Variants in HSD17B4 observed in about 807,000 individuals in gnomAD.
HSD17B4 encodes the protein peroxisomal multifunctional enzyme type 2.
In HSD17B4, 70 loss-of-function variants were observed where a neutral mutation model predicts 101.0. That is an observed-to-expected ratio of 0.69 (90% CI 0.57 to 0.85). The LOEUF (loss-of-function observed/expected upper bound fraction) is 0.85, where lower values mean the gene tolerates loss of function less well. Among genes scored for constraint, HSD17B4 ranks in the 40% least tolerant of loss-of-function variants. The probability of loss-of-function intolerance (pLI) is 0.00; values close to 1 mark genes in which losing one functional copy is unlikely to be tolerated. For missense variants in HSD17B4, 984 were observed against 892.4 expected (o/e 1.10, Z -1.31); for synonymous variants, 347 against 297.1 (o/e 1.17, Z -1.73).
intron 8 of HSD17B4, among the ~76,000 whole-genome samples, chr5:119,479,912 G>A (rs1317586919): frequency 6.6e-6 from 1 of 152,080 alleles, no homozygotes; most frequent in Non-Finnish European, 1.5e-5. Flanking sequence ...GTAAGAAATT[G>A]CCAAACTATC....
At chr5:119,528,609 T>G (rs977276987) in intron 20 of HSD17B4, among the ~76,000 whole-genome samples, 2 of 152,138 alleles carry the variant, frequency 1.3e-5, no homozygotes, top group African/African-American at 4.8e-5. Context: ...TGAGTAAGTT[T>G]TGCTTTTTGA....
chr5:119,493,568 C>T lies in HSD17B4; in HGVS notation c.740-250C>T, dbSNP rs138582862. 1.6e-3 allele frequency: 677 copies of T among 435,236 alleles called. 4 individuals carry two copies. Among genetic ancestry groups the T allele is most frequent in the African/African-American group, 0.013 (640 of 49,572 alleles). 27.0% of individuals were successfully genotyped at this position (435,236 alleles called of 1,614,324 possible). On this transcript the variant is annotated intron_variant, in intron 10 of 23. Transcript: ENST00000510025. ...TTTCACATACAGCATAACATTCTAC[C>T]TTTAGTACTGTCTGGCATAGTCAGA...
At chr5:119,522,838 A>ATT (rs2126865497) in intron 17 of HSD17B4, among the ~76,000 whole-genome samples, 1 of 152,182 alleles carries the variant, frequency 6.6e-6, no homozygotes, top group East Asian at 1.9e-4. Flanking sequence ...CTAGTGTACT[A>ATT]TTAATTATTT....
intron 17 of HSD17B4, among the ~76,000 whole-genome samples, chr5:119,516,735 C>G (rs10062410): frequency 0.012 from 1,831 of 152,188 alleles, 15 homozygotes; most frequent in African/African-American, 0.022. Context: ...AAATACAAGT[C>G]AATTAGAAGA....
chr5:119,485,404 A>T (rs1004127716), intron 8 of HSD17B4, among the ~76,000 whole-genome samples: 1 of 152,198 alleles, frequency 6.6e-6, no homozygotes, highest in South Asian at 2.1e-4. Flanking sequence ...AATAAAGTCT[A>T]CTTTAGACAA....
At chr5:119,502,533 T>TCTG (rs144128989) in intron 14 of HSD17B4, among the ~76,000 whole-genome samples, 82,702 of 151,254 alleles carry the variant, frequency 0.55, 22,704 homozygotes, top group Admixed American at 0.58. Context: ...TAAAAACAAG[T>TCTG]CTTTAATAAT....
intron 13 of HSD17B4, among the ~76,000 whole-genome samples, chr5:119,500,211 T>G (rs1346619563): frequency 6.6e-6 from 1 of 151,964 alleles, no homozygotes; most frequent in East Asian, 1.9e-4. Context: ...AAGAGTCTAT[T>G]ATAGTAATCC....
intron 14 of HSD17B4, 87 bp downstream of exon 14, chr5:119,502,179 TA>T: frequency 1.2e-6 from 1 of 859,466 alleles, no homozygotes; most frequent in South Asian, 1.4e-5. Flanking sequence ...TAAACTGGTA[TA>T]GAGTGACCTA....
intron 16 of HSD17B4, 192 bp downstream of exon 16, chr5:119,509,436 C>G: frequency 5.8e-6 from 4 of 694,920 alleles, no homozygotes; most frequent in Middle Eastern, 3.4e-4. Flanking sequence ...TCAGCCTACC[C>G]AATGTGAGGA....
At chr5:119,511,095 T>C (rs1752128825) in intron 16 of HSD17B4, among the ~76,000 whole-genome samples, 1 of 152,214 alleles carries the variant, frequency 6.6e-6, no homozygotes, top group Non-Finnish European at 1.5e-5. Context: ...CCTGCCCTGC[T>C]TCCTTCTTGT....
chr5:119,492,491 G>C (rs1027090030), intron 10 of HSD17B4: 1 of 213,056 alleles, frequency 4.7e-6, no homozygotes, highest in Non-Finnish European at 9.5e-6. Flanking sequence ...AGGGAGAGCT[G>C]TTTTGGAAAA....
chr5:119,493,872 C>T lies in HSD17B4; in HGVS notation c.794C>T (p.Thr265Ile). Reference sequence around the variant, plus strand: ...GTAAGACAAAAGAATCACCCAATGACTCCTGAGGCAGTCAAGGCTAACTGG... The same window carrying T: ...GTAAGACAAAAGAATCACCCAATGATTCCTGAGGCAGTCAAGGCTAACTGG... ...AIVRQKNHPM[T>I]PEAVKANWKK... Residue 265 changes from threonine (T) to isoleucine (I), a missense_variant, in exon 11 of 24, where the codon ACT becomes ATT. By Grantham distance (89) the Thr-to-Ile change is moderately conservative (BLOSUM62 -1). Coordinates refer to ENST00000510025, the MANE Select transcript of HSD17B4 (RefSeq NM_000414.4). The T allele has an allele frequency of 6.2e-7, 1 of 1,613,090 alleles. No homozygotes were observed. The highest frequency in any genetic ancestry group is 8.5e-7 in the Non-Finnish European group (1 of 1,179,180).
chr5:119,537,417 T>C (rs1754627710), intron 23 of HSD17B4, among the ~76,000 whole-genome samples: 1 of 152,148 alleles, frequency 6.6e-6, no homozygotes, highest in African/African-American at 2.4e-5. Context: ...TTATAAGAAC[T>C]AAACCCAATA....
intron 23 of HSD17B4, among the ~76,000 whole-genome samples, chr5:119,537,024 C>T (rs924933865): frequency 6.6e-6 from 1 of 151,970 alleles, no homozygotes; most frequent in African/African-American, 2.4e-5. Context: ...TTTGACCAAT[C>T]CACAAATATA....
At chr5:119,532,361 A>G (rs1754187515) in intron 22 of HSD17B4, among the ~76,000 whole-genome samples, 1 of 152,122 alleles carries the variant, frequency 6.6e-6, no homozygotes. Flanking sequence ...GTCTATTTCT[A>G]GCTTCTAGTA....
intron 8 of HSD17B4, among the ~76,000 whole-genome samples, chr5:119,488,349 TG>T (rs1749793680): frequency 1.3e-5 from 2 of 152,044 alleles, no homozygotes; most frequent in South Asian, 4.1e-4. Context: ...AAAGGTGCAG[TG>T]GTAAAGAGAA....
At chr5:119,469,751 G>T (rs1033844142) in intron 2 of HSD17B4, among the ~76,000 whole-genome samples, 4 of 152,220 alleles carry the variant, frequency 2.6e-5, no homozygotes, top group African/African-American at 9.6e-5. Flanking sequence ...TGTAGGGAAA[G>T]ACTTTTTTCT....
At chr5:119,516,960 C>G (rs533448318) in intron 17 of HSD17B4, among the ~76,000 whole-genome samples, 2 of 152,240 alleles carry the variant, frequency 1.3e-5, no homozygotes, top group Non-Finnish European at 2.9e-5. Flanking sequence ...TCACAGCCCT[C>G]GCTCGCTCTC....
intron 22 of HSD17B4, among the ~76,000 whole-genome samples, chr5:119,533,049 T>A (rs180682592): frequency 1.3e-5 from 2 of 152,190 alleles, no homozygotes; most frequent in East Asian, 3.9e-4. Context: ...ATATTTCCTT[T>A]CTAAAATCTG....
Sources: allele counts gnomAD v4.1 joint callset (sites outside exome capture counted in the v4.1 genomes callset), GRCh38; gene constraint gnomAD v4.1.1; transcripts MANE v1.5; gene names NCBI Gene and HGNC (gene_info 2026-07-23, HGNC 2026-07-21).